The following VAV1 variants were observed in gnomAD, a reference collection of about 807,000 sequenced individuals.
VAV1 encodes proto-oncogene vav.
In VAV1, 33 loss-of-function variants were observed where a neutral mutation model predicts 128.1. That is an observed-to-expected ratio of 0.26 (90% CI 0.20 to 0.34). The LOEUF (loss-of-function observed/expected upper bound fraction) is 0.34. Among genes scored for constraint, VAV1 ranks in the 10% least tolerant of loss-of-function variants. The pLI, the probability that VAV1 is intolerant of heterozygous loss-of-function variation, is 1.00. For missense variants in VAV1, 715 were observed against 1,093.7 expected (o/e 0.65, Z 4.88); for synonymous variants, 394 against 409.8 (o/e 0.96, Z 0.47).
At chr19:6,809,810 T>C (rs1971477047) in intron 1 of VAV1, among the ~76,000 whole-genome samples, 1 of 152,004 alleles carries the variant, frequency 6.6e-6, no homozygotes, top group Admixed American at 6.6e-5. Flanking sequence ...AGCTTAGATG[T>C]GACAGATAGT....
intron 1 of VAV1, among the ~76,000 whole-genome samples, chr19:6,817,061 C>A (rs1014083474): frequency 1.2e-4 from 18 of 149,412 alleles, no homozygotes; most frequent in African/African-American, 3.7e-4. Context: ...TTTTTTTTTT[C>A]TTTTGAGATG....
chr19:6,811,062 G>A (rs969778263), intron 1 of VAV1, among the ~76,000 whole-genome samples: 13 of 152,050 alleles, frequency 8.5e-5, no homozygotes, highest in East Asian at 5.8e-4. Flanking sequence ...TTGAGATGGC[G>A]TCTTGCTCTG....
intron 21 of VAV1, among the ~76,000 whole-genome samples, chr19:6,838,692 C>G (rs1343541687): frequency 6.6e-6 from 1 of 151,878 alleles, no homozygotes; most frequent in African/African-American, 2.4e-5. Flanking sequence ...CTATCTATTA[C>G]CTGTTTATCC....
intron 2 of VAV1, among the ~76,000 whole-genome samples, chr19:6,821,198 G>A (rs1039588808): frequency 6.6e-6 from 1 of 152,096 alleles, no homozygotes; most frequent in Non-Finnish European, 1.5e-5. Flanking sequence ...TCAGGAGATC[G>A]ATTCCACCCT....
chr19:6,833,736 A>G lies in VAV1; in HGVS notation c.1731+3A>G. The G allele has an allele frequency of 6.2e-7, 1 of 1,614,166 alleles. No individual in the cohort carries two copies. On this transcript the variant is annotated splice_donor_region_variant and intron_variant, in intron 18 of 26. Coordinates refer to ENST00000602142, the MANE Select transcript of VAV1 (RefSeq NM_005428.4). Reference sequence around the variant, plus strand: ...ATTTCCCAGGAACTATGAAGAAGGTAAGACTTTCCCGTGGTCCTTCCTGTG... The same window carrying G: ...ATTTCCCAGGAACTATGAAGAAGGTGAGACTTTCCCGTGGTCCTTCCTGTG...
Position 6,828,743 on chromosome 19 carries a change from G to A in VAV1, c.1179+35G>A, listed in dbSNP as rs200851743. On this transcript the variant is annotated intron_variant, in intron 12 of 26. Coordinates refer to ENST00000602142, the MANE Select transcript of VAV1 (RefSeq NM_005428.4). The surrounding 1 kb of genome is among the most constrained non-coding windows in gnomAD (Gnocchi z 4.5). ...TGGAGCCGGGTGGGCCAGGGGTGTG[G>A]CCACGTGGGGAGAGTGTGTGTCTGG... 17 of 1,614,092 alleles carry A rather than the reference G, an allele frequency of 1.1e-5. No individual in the cohort carries two copies. The African/African-American group carries it at 2.1e-4, about 20-fold the overall frequency.
chr19:6,786,951 C>T (rs899347577), intron 1 of VAV1, among the ~76,000 whole-genome samples: 113 of 151,656 alleles, frequency 7.5e-4, no homozygotes, highest in African/African-American at 2.6e-3. Flanking sequence ...AAAGTAGAGT[C>T]TTACTGCCTT....
intron 1 of VAV1, among the ~76,000 whole-genome samples, chr19:6,789,546 C>T (rs145060742): frequency 7.7e-4 from 115 of 150,128 alleles, no homozygotes; most frequent in African/African-American, 2.0e-3. Flanking sequence ...CCACCGCACC[C>T]GGCTCTTTCC....
chr19:6,844,063 CTTTTTTTTTTTTTTTT>C (rs71177123), intron 22 of VAV1, among the ~76,000 whole-genome samples: 57 of 21,318 alleles, frequency 2.7e-3, no homozygotes, highest in Middle Eastern at 0.028. Context: ...TCTTCTTCTT[CTTTTTTTTTTTTTTTT>C]TTTTTTTTTT....
chr19:6,788,385 T>C (rs1360410822), intron 1 of VAV1, among the ~76,000 whole-genome samples: 2 of 142,306 alleles, frequency 1.4e-5, no homozygotes, highest in African/African-American at 5.4e-5. Context: ...TTATTATTAT[T>C]ATTTTGAGAC....
At chr19:6,816,496 C>T (rs187139903) in intron 1 of VAV1, 4 of 148,688 alleles carry the variant, frequency 2.7e-5, no homozygotes, top group African/African-American at 1.0e-4. Context: ...CTCTCGCTCT[C>T]TCTCTCTCTC....
At chr19:6,788,025 C>T (rs924769955) in intron 1 of VAV1, among the ~76,000 whole-genome samples, 24 of 151,962 alleles carry the variant, frequency 1.6e-4, no homozygotes, top group Non-Finnish European at 3.1e-4. Context: ...GGCAGTGAGC[C>T]GAGATCCCGC....
intron 9 of VAV1, chr19:6,827,027 C>T (rs1021187846): frequency 8.8e-6 from 3 of 340,464 alleles, no homozygotes; most frequent in African/African-American, 6.2e-5. Flanking sequence ...GGCTGAGCTC[C>T]CACTTCTCAC....
Position 6,850,651 on chromosome 19 carries a change from G to T in VAV1, c.2130-19G>T, listed in dbSNP as rs199653383. On this transcript the variant is annotated intron_variant, in intron 23 of 26. Transcript: ENST00000602142. Reference sequence around the variant, plus strand: ...GGCCTGGTCCCCAGACTCAGGGCCCGGTGACCATCTGGTTCCAGATATAAC... The same window carrying T: ...GGCCTGGTCCCCAGACTCAGGGCCCTGTGACCATCTGGTTCCAGATATAAC... 3 of 1,613,308 alleles carry T rather than the reference G, an allele frequency of 1.9e-6. No homozygotes were observed. The East Asian group carries it at 6.7e-5, about 36-fold the overall frequency.
chr19:6,842,999 C>T (rs1599676404), intron 21 of VAV1, 136 bp from the exon 22 acceptor site: 1 of 934,184 alleles, frequency 1.1e-6, no homozygotes, highest in Admixed American at 1.9e-5. Context: ...CAGTGAGTAC[C>T]ACAGTGCCTG....
At chr19:6,853,924 T>C (rs140109969) in intron 25 of VAV1, 23 bp from the exon 26 acceptor site, 1 of 1,603,558 alleles carries the variant, frequency 6.2e-7, no homozygotes, top group South Asian at 1.1e-5. Context: ...GACCCTTTTC[T>C]CACTTCTGTT....
chr19:6,843,214 G>T, intron 22 of VAV1, 48 bp downstream of exon 22: 1 of 1,611,026 alleles, frequency 6.2e-7, no homozygotes, highest in Non-Finnish European at 8.5e-7. Context: ...TTCTGGGTTG[G>T]GGTTCCAGGC....
At chr19:6,781,324 T>C (rs1406991143) in intron 1 of VAV1, among the ~76,000 whole-genome samples, 1 of 152,208 alleles carries the variant, frequency 6.6e-6, no homozygotes, top group Non-Finnish European at 1.5e-5. Context: ...ATTGTTTCCA[T>C]ATGAATTATT....
rs373230065 is a variant in VAV1, at chr19:6,822,721, A to C, written c.654+207A>C. Among the ~76,000 whole-genome samples the C allele has an allele frequency of 1.3e-5, 2 of 148,684 alleles. No individual in the cohort carries two copies. The highest frequency in any genetic ancestry group is 3.0e-5 in the Non-Finnish European group (2 of 67,286). On this transcript the variant is annotated intron_variant, in intron 6 of 26. Coordinates refer to ENST00000602142, the MANE Select transcript of VAV1 (RefSeq NM_005428.4). The surrounding 1 kb of genome is among the most constrained non-coding windows in gnomAD (Gnocchi z 5.9). The stretch of plus-strand genomic sequence containing the variant: ...CTGACGTATATATATATTAAAAAAT[A>C]TATATAAAATATAGGACACTGCCTG...
Sources: allele counts gnomAD v4.1 joint callset (sites outside exome capture counted in the v4.1 genomes callset), GRCh38; gene constraint gnomAD v4.1.1; non-coding constraint Gnocchi (gnomAD v3.1); transcripts MANE v1.5; gene names NCBI Gene and HGNC (gene_info 2026-07-23, HGNC 2026-07-21).